The following IDE variants were observed in gnomAD, a reference collection of about 807,000 sequenced individuals.
IDE encodes the protein insulin-degrading enzyme.
Under a neutral mutation model 133.2 loss-of-function variants are expected in IDE, and 58 were observed. The observed-to-expected ratio is 0.44, with a 90% CI of 0.35 to 0.54. IDE has a LOEUF of 0.54. IDE is among the 20% of genes least tolerant of loss of function. IDE has a pLI of 0.00. For synonymous variants in IDE, 396 were observed against 421.3 expected, an observed-to-expected ratio of 0.94 and a Z score of 0.73; for missense variants, 981 against 1,234.0, an observed-to-expected ratio of 0.79 and a Z score of 3.07.
At chr10:92,473,981 T>TAA (rs1038960285) in intron 17 of IDE, among the ~76,000 whole-genome samples, 4 of 146,128 alleles carry the variant, frequency 2.7e-5, no homozygotes, top group African/African-American at 7.5e-5. Context: ...ACTCCGTCTT[T>TAA]AAAAAAAAAA....
chr10:92,547,391 T>C (rs1036631768), intron 1 of IDE, among the ~76,000 whole-genome samples: 1 of 152,060 alleles, frequency 6.6e-6, no homozygotes, highest in South Asian at 2.1e-4. Context: ...GCCTGGTTTC[T>C]AAAGATCAAT....
intron 11 of IDE, among the ~76,000 whole-genome samples, chr10:92,504,306 A>G (rs1484534443): frequency 6.6e-6 from 1 of 152,156 alleles, no homozygotes; most frequent in Non-Finnish European, 1.5e-5. Context: ...TACCTCTGCT[A>G]CTATAAGAGT....
chr10:92,546,864 T>A (rs567813147), intron 1 of IDE, among the ~76,000 whole-genome samples: 2 of 152,354 alleles, frequency 1.3e-5, no homozygotes, highest in South Asian at 2.1e-4. Flanking sequence ...AAACTTTGAA[T>A]AAATTCTCCC....
At chr10:92,572,823 T>A (rs1843849996) in intron 1 of IDE, 1 of 927,944 alleles carries the variant, frequency 1.1e-6, no homozygotes, top group Non-Finnish European at 1.3e-6. Flanking sequence ...CTCCAACCTT[T>A]CTGCCATTCC....
chr10:92,512,245 T>C (rs113909714), intron 5 of IDE, among the ~76,000 whole-genome samples: 1 of 152,216 alleles, frequency 6.6e-6, no homozygotes, highest in Non-Finnish European at 1.5e-5. Flanking sequence ...ATGGTTACTC[T>C]TCCTCTCTCC....
At chr10:92,572,279 G>A (rs1055604265) in intron 1 of IDE, among the ~76,000 whole-genome samples, 2 of 152,178 alleles carry the variant, frequency 1.3e-5, no homozygotes, top group South Asian at 2.1e-4. Flanking sequence ...TAGAACAAAA[G>A]CAGACTGACA....
chr10:92,459,503 C>T (rs76120043), intron 22 of IDE, among the ~76,000 whole-genome samples: 2,955 of 152,250 alleles, frequency 0.019, 44 homozygotes, highest in Admixed American at 0.052. Flanking sequence ...AGGACTGAGT[C>T]CCCGTCCAAA....
intron 24 of IDE, 31 bp from the exon 25 acceptor site, chr10:92,454,570 T>C (rs762039720): frequency 2.3e-5 from 35 of 1,511,202 alleles, no homozygotes; most frequent in Middle Eastern, 1.9e-4. Context: ...TTTTAGTGTA[T>C]TTAACCTAAA....
Position 92,488,932 on chromosome 10 carries a change from T to TAAA in IDE, c.1533+1558_1533+1560dup, listed in dbSNP as rs56377277. On this transcript the variant is annotated intron_variant, in intron 12 of 24. Transcript: ENST00000265986. ...CTAATTTATAAGGCTTTTCATTATT[T>TAAA]AAAAAAAAAAAAAAAAAAAAAAAGC... Among the ~76,000 whole-genome samples the TAAA allele has an allele frequency of 8.3e-3, 655 of 78,700 alleles. 19 individuals carry two copies. Among genetic ancestry groups the TAAA allele is most frequent in the Middle Eastern group, 9.1e-3 (1 of 110 alleles). 51.6% of individuals were successfully genotyped at this position (78,700 alleles called of 152,430 possible).
At chr10:92,536,552 G>C (rs1842015640) in intron 2 of IDE, among the ~76,000 whole-genome samples, 1 of 150,306 alleles carries the variant, frequency 6.7e-6, no homozygotes, top group African/African-American at 2.5e-5. Flanking sequence ...TACAGAATTA[G>C]GCGGGCGTGG....
intron 13 of IDE, among the ~76,000 whole-genome samples, chr10:92,486,282 G>A (rs145852251): frequency 8.6e-5 from 13 of 151,866 alleles, no homozygotes; most frequent in East Asian, 5.9e-4. Flanking sequence ...CTTGGGAGGC[G>A]GAAGTTACAG....
intron 5 of IDE, among the ~76,000 whole-genome samples, chr10:92,510,679 GAT>G (rs542525124): frequency 2.0e-5 from 3 of 150,392 alleles, no homozygotes; most frequent in South Asian, 2.1e-4. Context: ...TCACATATAT[GAT>G]ATATATCACA....
rs936902200 is a variant in IDE, at chr10:92,515,046, G to A, written c.662-4C>T. The stretch of plus-strand genomic sequence containing the variant: ...GTCTCCAGAGTATATTTGTTACCTG[G>A]AAGGGAAGAAAAGGGATTTCTTAGA... On this transcript the variant is annotated splice_polypyrimidine_tract_variant and splice_region_variant and intron_variant, in intron 4 of 24. Coordinates refer to ENST00000265986, the MANE Select transcript of IDE (RefSeq NM_004969.4). The A allele has an allele frequency of 6.3e-7, 1 of 1,581,088 alleles. No homozygotes were observed. The highest frequency in any genetic ancestry group is 1.4e-5 in the African/African-American group (1 of 73,484).
chr10:92,565,409 CA>C (rs5787003), intron 1 of IDE, among the ~76,000 whole-genome samples: 93,536 of 114,764 alleles, frequency 0.82, 37,425 homozygotes, highest in African/African-American at 0.91. Context: ...GACTCCATCT[CA>C]AAAAAAAAAA....
chr10:92,565,386 G>A (rs1372134862), intron 1 of IDE, among the ~76,000 whole-genome samples: 1 of 148,224 alleles, frequency 6.7e-6, no homozygotes, highest in Non-Finnish European at 1.5e-5. Context: ...CTCCAGCCTG[G>A]GCAACACAGC....
chr10:92,458,116 G>A (rs147034034), intron 22 of IDE, among the ~76,000 whole-genome samples: 7 of 152,196 alleles, frequency 4.6e-5, no homozygotes, highest in Non-Finnish European at 8.8e-5. Flanking sequence ...GACCAACTCT[G>A]GACAATCCTC....
chr10:92,564,399 A>C (rs1416299796), intron 1 of IDE, among the ~76,000 whole-genome samples: 1 of 152,128 alleles, frequency 6.6e-6, no homozygotes, highest in Non-Finnish European at 1.5e-5. Flanking sequence ...AGGCCGGGCA[A>C]GGTAACTTAC....
chr10:92,570,643 T>A (rs1321583575), intron 1 of IDE, among the ~76,000 whole-genome samples: 1 of 152,104 alleles, frequency 6.6e-6, no homozygotes, highest in East Asian at 1.9e-4. Context: ...ATACTGGGCC[T>A]GGCACAGTGG....
chr10:92,554,150 C>T (rs575988704), intron 1 of IDE, among the ~76,000 whole-genome samples: 6 of 152,234 alleles, frequency 3.9e-5, no homozygotes, highest in East Asian at 3.9e-4. Flanking sequence ...AGATTTATCC[C>T]GGCAATGCAA....
Sources: allele counts gnomAD v4.1 joint callset (sites outside exome capture counted in the v4.1 genomes callset), GRCh38; gene constraint gnomAD v4.1.1; transcripts MANE v1.5; gene names NCBI Gene and HGNC (gene_info 2026-07-23, HGNC 2026-07-21).